CPSF6: variants seen among roughly 807,000 people sequenced by gnomAD.
CPSF6 encodes cleavage and polyadenylation specific factor 6, also known as cleavage and polyadenylation specificity factor subunit 6.
In CPSF6, 10 loss-of-function variants were observed where a neutral mutation model predicts 56.7. That is an observed-to-expected ratio of 0.18 (90% CI 0.11 to 0.30). The LOEUF (loss-of-function observed/expected upper bound fraction) is 0.30, where lower values mean the gene tolerates loss of function less well. Among genes scored for constraint, CPSF6 ranks in the 10% least tolerant of loss-of-function variants. The pLI is 1.00. For missense variants in CPSF6, 419 were observed against 722.9 expected (o/e 0.58, Z 4.82); for synonymous variants, 248 against 244.8 (o/e 1.01, Z -0.12).
chr12:69,252,161 A>C (rs750583758), intron 2 of CPSF6: 1 of 450,906 alleles, frequency 2.2e-6, no homozygotes, highest in Non-Finnish European at 4.4e-6. Context: ...TGAAGCCTCA[A>C]ACTCCTGGGC....
rs1873296330 is a variant in CPSF6 at position 69,272,604 on chromosome 12, A to G, written c.*3096A>G. ...TTTCTGTATTTTCTAAAATGGCTCCAATTTTGTGTTTTAAGCTTCAGCTTA... is the reference window on the plus strand; with the variant it reads ...TTTCTGTATTTTCTAAAATGGCTCCGATTTTGTGTTTTAAGCTTCAGCTTA... On this transcript the variant is annotated 3_prime_UTR_variant, in exon 10 of 10. Transcript: ENST00000435070. 6.6e-6 allele frequency: 1 copy of G among 151,640 alleles called. No homozygotes were observed. Among genetic ancestry groups the G allele is most frequent in the African/African-American group, 2.4e-5 (1 of 41,392 alleles). The allele number at this position is 151,640 out of a possible 1,614,324, so 9.4% of individuals were successfully genotyped here.
Position 69,252,912 on chromosome 12 carries a change from C to G in CPSF6, c.271-139C>G, listed in dbSNP as rs12310718. On this transcript the variant is annotated intron_variant, in intron 2 of 9. Coordinates refer to ENST00000435070, the MANE Select transcript of CPSF6 (RefSeq NM_007007.3). Reference sequence around the variant, plus strand: ...GTGCTGTTTAAAAATTGGAGTCTGACTGGCCATAACTAGACTTAGATTTGC... The same window carrying G: ...GTGCTGTTTAAAAATTGGAGTCTGAGTGGCCATAACTAGACTTAGATTTGC... 6.4e-3 allele frequency: 3,269 copies of G among 507,452 alleles called. 113 individuals carry two copies. The highest frequency in any genetic ancestry group is 0.06 in the African/African-American group (3,001 of 49,924). The allele number at this position is 507,452 out of a possible 1,614,324, so 31.4% of individuals were successfully genotyped here. A position where few individuals can be genotyped will look rare whatever the true frequency, so the allele number is the denominator to read the frequency against.
intron 9 of CPSF6, among the ~76,000 whole-genome samples, chr12:69,265,898 G>C (rs12305999): frequency 6.6e-6 from 1 of 151,540 alleles, no homozygotes; most frequent in Admixed American, 6.6e-5. Flanking sequence ...GAGCCACCGC[G>C]CCCAGTCTAG....
intron 4 of CPSF6, 114 bp from the exon 5 acceptor site, chr12:69,257,618 A>G (rs1872566369): frequency 1.0e-6 from 1 of 954,124 alleles, no homozygotes; most frequent in Non-Finnish European, 1.6e-6. Context: ...TTGCATAGGC[A>G]CAAGGCATTT....
chr12:69,258,785 C>T lies in CPSF6; in HGVS notation c.890C>T (p.Pro297Leu), dbSNP rs772725230. ...TTGGGTCCACTTCCTCCTGGCCCTCCACCTCCAGTTCCAGGCTACGGCCCC... is the reference window on the plus strand; with the variant it reads ...TTGGGTCCACTTCCTCCTGGCCCTCTACCTCCAGTTCCAGGCTACGGCCCC... ...PPLGPLPPGP[P>L]PPVPGYGPPP... The change falls in exon 6 of 10, where the codon CCA becomes CTA. Residue 297 changes from proline (P) to leucine (L), a missense_variant. Pro to Leu is a moderately conservative substitution (Grantham distance 98). This residue lies in a region of CPSF6 where 211 missense variants were observed against 296.0 expected (regional missense o/e 0.71). Coordinates refer to ENST00000435070, the MANE Select transcript of CPSF6 (RefSeq NM_007007.3). This position sits in a 1 kb window ranked among gnomAD's most constrained non-coding sequence, Gnocchi z 4.2. The T allele has an allele frequency of 1.2e-6, 2 of 1,614,014 alleles. No individual in the cohort carries two copies. The highest frequency in any genetic ancestry group is 1.7e-6 in the Non-Finnish European group (2 of 1,179,974).
rs1415769514 is a variant in CPSF6, at chr12:69,270,906, G to A, written c.*1398G>A. The A allele has an allele frequency of 6.6e-6, 1 of 151,684 alleles. No individual in the cohort carries two copies. Among genetic ancestry groups the A allele is most frequent in the Non-Finnish European group, 1.5e-5 (1 of 67,670 alleles). 9.4% of individuals were successfully genotyped at this position (151,684 alleles called of 1,614,324 possible). A position where few individuals can be genotyped will look rare whatever the true frequency, so the allele number is the denominator to read the frequency against. On this transcript the variant is annotated 3_prime_UTR_variant, in exon 10 of 10. Transcript: ENST00000435070. ...GCACGTTAATATGTTTTTAAGATCT[G>A]ATTATCTTTGAGAGATCTTCTGTTA...
intron 1 of CPSF6, among the ~76,000 whole-genome samples, chr12:69,248,833 T>G (rs1175410827): frequency 6.6e-6 from 1 of 152,212 alleles, no homozygotes; most frequent in Non-Finnish European, 1.5e-5. Flanking sequence ...ATTCTGTAAC[T>G]AGTAAATTGG....
At position 69,258,528 on chromosome 12, in the gene CPSF6, A is replaced by G. The variant is rs563857037; in HGVS notation, c.695-62A>G. The stretch of plus-strand genomic sequence containing the variant: ...CGTTTAAAGTATAATCTTGGCATAT[A>G]AAAGTTAAAATATCTTATTAGTGAA... On this transcript the variant is annotated intron_variant, in intron 5 of 9. Coordinates refer to ENST00000435070, the MANE Select transcript of CPSF6 (RefSeq NM_007007.3). The surrounding 1 kb of genome is among the most constrained non-coding windows in gnomAD (Gnocchi z 4.2). 20 of 1,496,414 alleles carry G rather than the reference A, an allele frequency of 1.3e-5. No homozygotes were observed. In the East Asian group the frequency reaches 4.5e-4, roughly 34 times the overall value. 92.7% of individuals were successfully genotyped at this position (1,496,414 alleles called of 1,614,324 possible).
intron 3 of CPSF6, among the ~76,000 whole-genome samples, chr12:69,256,105 T>G (rs188586598): frequency 1.2e-4 from 19 of 152,288 alleles, no homozygotes; most frequent in African/African-American, 4.6e-4. Context: ...ACATGCTAGT[T>G]AAAGAAGGCT....
At chr12:69,240,213 G>T (rs923838050) in intron 1 of CPSF6, among the ~76,000 whole-genome samples, 1 of 152,116 alleles carries the variant, frequency 6.6e-6, no homozygotes, top group Non-Finnish European at 1.5e-5. Context: ...CCCTGCCCGC[G>T]CACTGTCGCC....
chr12:69,260,990 G>C (rs993065993), intron 8 of CPSF6, among the ~76,000 whole-genome samples: 1 of 152,158 alleles, frequency 6.6e-6, no homozygotes, highest in Non-Finnish European at 1.5e-5. Flanking sequence ...CTCGAATGAG[G>C]GAGTGACTGA....
intron 1 of CPSF6, among the ~76,000 whole-genome samples, chr12:69,240,164 C>T (rs907387339): frequency 6.6e-6 from 1 of 152,036 alleles, no homozygotes; most frequent in Admixed American, 6.5e-5. Flanking sequence ...CCGCCGCTGC[C>T]GCTCGGGCTC....
intron 1 of CPSF6, among the ~76,000 whole-genome samples, chr12:69,248,745 A>T (rs1872045490): frequency 6.6e-6 from 1 of 152,010 alleles, no homozygotes; most frequent in South Asian, 2.1e-4. Flanking sequence ...CTCTGATTTA[A>T]CCTTGAGATC....
In CPSF6 at chr12:69,262,131, A is replaced by C. The variant is rs184371846; in HGVS notation, c.1470-242A>C. 7.9e-5 allele frequency among the ~76,000 whole-genome samples: 12 copies of C among 152,218 alleles called. No homozygotes were observed. In the East Asian group the frequency reaches 1.9e-3, roughly 25 times the overall value. ...TTTTAGGCTACTAGTTTAATAGATGATGTGATGCATTTCTGTGATGTGTCT... is the reference window on the plus strand; with the variant it reads ...TTTTAGGCTACTAGTTTAATAGATGCTGTGATGCATTTCTGTGATGTGTCT... On this transcript the variant is annotated intron_variant, in intron 8 of 9. Coordinates refer to ENST00000435070, the MANE Select transcript of CPSF6 (RefSeq NM_007007.3).
Position 69,266,935 on chromosome 12 carries a change from A to G in CPSF6, c.*4-2577A>G, listed in dbSNP as rs1161049351. On this transcript the variant is annotated intron_variant, in intron 9 of 9. Transcript: ENST00000435070. ...TAGCAAGAACTTCTTGTAAATATCT[A>G]CAATAACTAGAATTGTTTTTATGTA... 7.2e-5 allele frequency among the ~76,000 whole-genome samples: 11 copies of G among 152,252 alleles called. No individual in the cohort carries two copies. The East Asian group carries it at 1.3e-3, about 19-fold the overall frequency.
intron 3 of CPSF6, among the ~76,000 whole-genome samples, chr12:69,256,355 A>G (rs961100861): frequency 6.6e-6 from 1 of 152,242 alleles, no homozygotes; most frequent in Admixed American, 6.5e-5. Context: ...ATTTTGAATG[A>G]CTGAATTCTA....
At chr12:69,257,983 A>C in intron 5 of CPSF6, 78 bp downstream of exon 5, 1 of 1,552,218 alleles carries the variant, frequency 6.4e-7, no homozygotes, top group South Asian at 1.1e-5. Context: ...TTTTCAAGTA[A>C]TGCATTATTA....
At chr12:69,243,480 A>T (rs1871729665) in intron 1 of CPSF6, among the ~76,000 whole-genome samples, 1 of 152,216 alleles carries the variant, frequency 6.6e-6, no homozygotes, top group South Asian at 2.1e-4. Flanking sequence ...AGCCTACTAC[A>T]CATGTAGGCT....
chr12:69,242,992 CAGCTAATCAGTA>C (rs1871705315), intron 1 of CPSF6, among the ~76,000 whole-genome samples: 1 of 152,006 alleles, frequency 6.6e-6, no homozygotes, highest in Non-Finnish European at 1.5e-5. Flanking sequence ...CCTGTAATCC[CAGCTAATCAGTA>C]AGCTAAGCAG....
Sources: gnomAD v4.1 joint callset for allele counts (sites outside exome capture counted in the v4.1 genomes callset) on GRCh38, gnomAD v4.1.1 for gene constraint, gnomAD v4.1.1 regional missense constraint, Gnocchi (gnomAD v3.1) non-coding constraint, MANE v1.5 for transcripts, NCBI Gene and HGNC (gene_info 2026-07-23, HGNC 2026-07-21) for gene names.